Variants in FAM13C observed in about 807,000 individuals in gnomAD.
The protein encoded by FAM13C is family with sequence similarity 13 member C.
FAM13C carries 37 observed loss-of-function variants against 73.2 expected under a neutral mutation model. The observed-to-expected ratio is 0.51, with a 90% CI of 0.39 to 0.67. The LOEUF is 0.67. Ranked by LOEUF, FAM13C falls within the 30% of genes least tolerant of loss-of-function variation. The pLI, the probability that FAM13C is intolerant of heterozygous loss-of-function variation, is 0.00. For synonymous variants in FAM13C, 246 were observed against 260.9 expected (o/e 0.94, Z 0.55); for missense variants, 589 against 715.6 (o/e 0.82, Z 2.02).
chr10:59,328,515 T>G (rs1851491644), intron 3 of FAM13C, among the ~76,000 whole-genome samples: 1 of 144,296 alleles, frequency 6.9e-6, no homozygotes, highest in African/African-American at 2.9e-5. Flanking sequence ...AACAAAACAA[T>G]ATTCCATTCT....
intron 13 of FAM13C, among the ~76,000 whole-genome samples, chr10:59,248,606 T>C (rs1177212285): frequency 6.6e-6 from 1 of 152,124 alleles, no homozygotes; most frequent in Non-Finnish European, 1.5e-5. Flanking sequence ...GACTTTGAAA[T>C]TCAAGGGGTA....
chr10:59,271,845 T>A (rs1843750723), intron 6 of FAM13C, among the ~76,000 whole-genome samples: 1 of 152,182 alleles, frequency 6.6e-6, no homozygotes, highest in African/African-American at 2.4e-5. Context: ...AAGAAAATAA[T>A]CTTTAGCAGG....
chr10:59,258,077 G>C (rs1842119114), intron 10 of FAM13C, among the ~76,000 whole-genome samples: 1 of 152,108 alleles, frequency 6.6e-6, no homozygotes. Context: ...AAAAATAAAA[G>C]AGAATGATAA....
intron 5 of FAM13C, among the ~76,000 whole-genome samples, chr10:59,293,484 C>A (rs538267853): frequency 9.2e-5 from 14 of 152,244 alleles, no homozygotes; most frequent in Admixed American, 9.2e-4. Flanking sequence ...ACCCATGTTG[C>A]TGTAAATGAC....
In FAM13C at chr10:59,348,382, G is replaced by A. The variant is rs534760191; in HGVS notation, c.324+3888C>T. Among the ~76,000 whole-genome samples, 8 of 152,260 alleles carry A rather than the reference G, an allele frequency of 5.3e-5. No individual in the cohort carries two copies. The East Asian group carries it at 1.5e-3, about 29-fold the overall frequency. Reference sequence around the variant, plus strand: ...ACTGCATGGTAAACCTAATTAATGTGACATTTACCCTGCGATCAAAACTCT... The same window carrying A: ...ACTGCATGGTAAACCTAATTAATGTAACATTTACCCTGCGATCAAAACTCT... On this transcript the variant is annotated intron_variant, in intron 3 of 13. Transcript: ENST00000618804.
intron 5 of FAM13C, among the ~76,000 whole-genome samples, chr10:59,284,033 G>A (rs757158639): frequency 2.5e-4 from 36 of 146,434 alleles, no homozygotes; most frequent in Non-Finnish European, 4.5e-4. Flanking sequence ...GCTGGGGTAT[G>A]TGTGTGTGTG....
upstream of FAM13C, chr10:59,362,593 A>C: frequency 6.6e-7 from 1 of 1,507,636 alleles, no homozygotes. Flanking sequence ...TGCTGTCTGC[A>C]CATGCTCGTA....
rs181830368 is a variant in FAM13C at position 59,270,229 on chromosome 10, T to C, written c.593-120A>G. The C allele has an allele frequency of 1.8e-4, 176 of 955,462 alleles. No homozygotes were observed. In the African/African-American group the frequency reaches 2.5e-3, roughly 14 times the overall value. 59.2% of individuals were successfully genotyped at this position (955,462 alleles called of 1,614,324 possible). On this transcript the variant is annotated intron_variant, in intron 6 of 13. Transcript: ENST00000618804. ...GGCTTGCCTCTTTGTCATTTCTTCCTTCTGGGGATATGAAAAGCTTTCAAA... is the reference window on the plus strand; with the variant it reads ...GGCTTGCCTCTTTGTCATTTCTTCCCTCTGGGGATATGAAAAGCTTTCAAA...
At chr10:59,278,653 G>C (rs2133642306) in intron 6 of FAM13C, among the ~76,000 whole-genome samples, 1 of 152,028 alleles carries the variant, frequency 6.6e-6, no homozygotes, top group Admixed American at 6.5e-5. Flanking sequence ...ATGTCCTCGA[G>C]GGCGGCAAAA....
rs73300143 is a variant in FAM13C at position 59,298,265 on chromosome 10, G to A, written c.507+4536C>T. ...AAGGAATCCATGTAAGGCCACCAAA[G>A]CTTCTCCTTCAAGGTCAATTGGCTT... On this transcript the variant is annotated intron_variant, in intron 5 of 13. Transcript: ENST00000618804. 5.9e-3 allele frequency among the ~76,000 whole-genome samples: 901 copies of A among 152,264 alleles called. 10 individuals carry two copies. The highest frequency in any genetic ancestry group is 0.021 in the African/African-American group (864 of 41,536).
At chr10:59,303,453 T>C (rs930389388) in intron 4 of FAM13C, among the ~76,000 whole-genome samples, 2 of 152,248 alleles carry the variant, frequency 1.3e-5, no homozygotes, top group African/African-American at 4.8e-5. Flanking sequence ...CCTCACCTAT[T>C]AAAAATTCAA....
At chr10:59,315,957 TCTCA>T (rs1257343935) in intron 4 of FAM13C, among the ~76,000 whole-genome samples, 2 of 152,138 alleles carry the variant, frequency 1.3e-5, no homozygotes, top group Non-Finnish European at 1.5e-5. Flanking sequence ...TTTAACAAGG[TCTCA>T]CTCAGTCATC....
chr10:59,360,911 AT>A (rs1468949291), intron 1 of FAM13C: 2 of 554,994 alleles, frequency 3.6e-6, no homozygotes, highest in Non-Finnish European at 5.8e-6. Context: ...AAGTGTCTCC[AT>A]TTTGAACCTG....
chr10:59,256,063 T>G (rs1215299983), intron 10 of FAM13C, among the ~76,000 whole-genome samples: 1 of 152,226 alleles, frequency 6.6e-6, no homozygotes, highest in Non-Finnish European at 1.5e-5. Flanking sequence ...TGTTAAGTAT[T>G]GTTTAAATAA....
chr10:59,303,653 A>T (rs892584366), intron 4 of FAM13C, among the ~76,000 whole-genome samples: 1 of 152,154 alleles, frequency 6.6e-6, no homozygotes, highest in African/African-American at 2.4e-5. Context: ...TTGAAATTTG[A>T]TCCCCAGTGT....
intron 1 of FAM13C, among the ~76,000 whole-genome samples, chr10:59,356,693 G>A (rs764573060): frequency 6.6e-6 from 1 of 152,154 alleles, no homozygotes; most frequent in Non-Finnish European, 1.5e-5. Context: ...CATGTTCTCA[G>A]TCATGTGCTA....
chr10:59,308,338 T>A (rs1422289151), intron 4 of FAM13C, among the ~76,000 whole-genome samples: 1 of 149,132 alleles, frequency 6.7e-6, no homozygotes, highest in Non-Finnish European at 1.5e-5. Context: ...TCACCACCAT[T>A]CACCAACATC....
rs539583139 is a variant in FAM13C at position 59,290,214 on chromosome 10, C to A, written c.508-6767G>T. Among the ~76,000 whole-genome samples the A allele has an allele frequency of 9.9e-4, 150 of 152,254 alleles. 3 individuals carry two copies. The highest frequency in any genetic ancestry group is 1.5e-3 in the Non-Finnish European group (103 of 68,016). The stretch of plus-strand genomic sequence containing the variant: ...TTAGTTGGGTTGAAATAGAGAACAC[C>A]CACACAGGCTGGATGGTTAAATACT... On this transcript the variant is annotated intron_variant, in intron 5 of 13. Coordinates refer to ENST00000618804, the MANE Select transcript of FAM13C (RefSeq NM_198215.4).
chr10:59,352,234 C>T (rs368243478), intron 3 of FAM13C, 36 bp downstream of exon 3: 177 of 1,609,514 alleles, frequency 1.1e-4, no homozygotes, highest in Non-Finnish European at 2.5e-5. Context: ...AAGAATCACC[C>T]GTCTTGGCAA....
Sources: gnomAD v4.1 joint callset for allele counts (sites outside exome capture counted in the v4.1 genomes callset) on GRCh38, gnomAD v4.1.1 for gene constraint, MANE v1.5 for transcripts, NCBI Gene and HGNC (gene_info 2026-07-23, HGNC 2026-07-21) for gene names.